The following TUBA3D variants were observed in gnomAD, a reference collection of about 807,000 sequenced individuals.
TUBA3D encodes tubulin alpha 3d.
A neutral mutation model predicts 36.1 loss-of-function variants in TUBA3D; 24 were observed. The observed-to-expected ratio is 0.66, with a 90% confidence interval of 0.48 to 0.93. The LOEUF (loss-of-function observed/expected upper bound fraction) is 0.93, where lower values mean the gene tolerates loss of function less well. Ranked by LOEUF, TUBA3D falls within the 40% of genes least tolerant of loss-of-function variation. TUBA3D has a pLI of 0.00. For synonymous variants in TUBA3D, 185 were observed against 247.2 expected (o/e 0.75, Z 2.36); for missense variants, 356 against 614.5 (o/e 0.58, Z 4.45).
Position 131,479,418 on chromosome 2 carries a change from G to C in TUBA3D, c.337G>C (p.Glu113Gln), listed in dbSNP as rs1179681152. 1.9e-6 allele frequency: 3 copies of C among 1,614,210 alleles called. No homozygotes were observed. In the Admixed American group the frequency reaches 5.0e-5, roughly 27 times the overall value. Residue 113 changes from glutamate to glutamine, a missense_variant, in exon 3 of 5, where the codon GAG (glutamate) becomes CAG (glutamine). This residue lies in a region of TUBA3D where 109 missense variants were observed against 153.7 expected (regional missense o/e 0.71). Coordinates refer to ENST00000321253, the MANE Select transcript of TUBA3D (RefSeq NM_080386.4). ...CAGGGGCCATTACACCATCGGCAAG[G>C]AGATTGTTGACCTAGTCCTGGACCG... ...YARGHYTIGKEIVDLVLDRIR... is the reference protein window; with the variant it reads ...YARGHYTIGKQIVDLVLDRIR...
chr2:131,476,937 A>AC (rs1678691477), intron 1 of TUBA3D, among the ~76,000 whole-genome samples: 1 of 126,330 alleles, frequency 7.9e-6, no homozygotes, highest in Non-Finnish European at 1.6e-5. Context: ...CCTCAAAGAC[A>AC]CAAACAAAAA....
rs1179396402 is a variant in TUBA3D, at chr2:131,480,637, G to A, written c.944G>A (p.Cys315Tyr). ...CDPRHGKYMA[C>Y]CMLYRGDVVP... ...CCTCGCCACGGCAAGTACATGGCCTGCTGCATGTTGTACAGGGGGGACGTG... is the reference window on the plus strand; with the variant it reads ...CCTCGCCACGGCAAGTACATGGCCTACTGCATGTTGTACAGGGGGGACGTG... Residue 315 changes from cysteine to tyrosine, a missense_variant, in exon 4 of 5, where the codon TGC becomes TAC. Physicochemically the swap from Cys to Tyr is radical, Grantham distance 194. Transcript: ENST00000321253. The A allele has an allele frequency of 5.0e-6, 8 of 1,613,656 alleles. No homozygotes were observed. Among genetic ancestry groups the A allele is most frequent in the Admixed American group, 1.7e-5 (1 of 59,994 alleles).
chr2:131,481,177 T>C (rs1170288387), intron 4 of TUBA3D, among the ~76,000 whole-genome samples: 2 of 152,060 alleles, frequency 1.3e-5, no homozygotes, highest in East Asian at 3.9e-4. Context: ...GTGCTGGGAT[T>C]ACAGTCGTGA....
intron 1 of TUBA3D, among the ~76,000 whole-genome samples, chr2:131,477,105 A>G (rs1487320145): frequency 2.0e-5 from 3 of 150,778 alleles, no homozygotes; most frequent in Non-Finnish European, 3.0e-5. Flanking sequence ...TTGCAGGATC[A>G]CGGCTCCCTG....
At chr2:131,479,210 A>T (rs1228869304) in intron 2 of TUBA3D, 98 bp from the exon 3 acceptor site, 1 of 1,516,290 alleles carries the variant, frequency 6.6e-7, no homozygotes, top group Non-Finnish European at 8.9e-7. Context: ...ATGTACTTTG[A>T]ACAGCATGTG....
chr2:131,480,905 G>A (rs1678841252), intron 4 of TUBA3D, among the ~76,000 whole-genome samples, 156 bp downstream of exon 4: 1 of 151,262 alleles, frequency 6.6e-6, no homozygotes, highest in South Asian at 2.1e-4. Context: ...TTGATTCAGT[G>A]ATTTCTTTTT....
chr2:131,478,807 A>C (rs988012955), intron 2 of TUBA3D: 1 of 219,862 alleles, frequency 4.5e-6, no homozygotes, highest in African/African-American at 2.3e-5. Flanking sequence ...TCAGATTCGC[A>C]GCCTGATGTA....
Position 131,482,743 on chromosome 2 carries a change from A to G in TUBA3D, c.1248A>G (p.Gly416=), listed in dbSNP as rs558896961. 3.1e-6 allele frequency: 5 copies of G among 1,614,066 alleles called. No individual in the cohort carries two copies. In the South Asian group the frequency reaches 4.4e-5, roughly 14 times the overall value. The change falls in exon 5 of 5, where the codon GGA becomes GGG. Residue 416 remains glycine (G), a synonymous_variant. Coordinates refer to ENST00000321253, the MANE Select transcript of TUBA3D (RefSeq NM_080386.4). ...HWYVGEGMEE[G]EFSEAREDLA... ...ACGTGGGCGAAGGCATGGAAGAGGG[A>G]GAGTTCTCTGAGGCCCGCGAGGACC... is the stretch of plus-strand genomic sequence containing the variant.
intron 1 of TUBA3D, among the ~76,000 whole-genome samples, chr2:131,477,742 G>A (rs1230103280): frequency 2.0e-5 from 3 of 151,508 alleles, no homozygotes; most frequent in Non-Finnish European, 4.4e-5. Context: ...CTGAGCACCT[G>A]GGCTTGGACC....
Position 131,478,173 on chromosome 2 carries a change from A to C in TUBA3D, c.13A>C (p.Ile5Leu), listed in dbSNP as rs1249434575. The change falls in exon 2 of 5, where the codon ATC (isoleucine) becomes CTC (leucine). Residue 5 changes from isoleucine to leucine, a missense_variant. Physicochemically the swap from Ile to Leu is conservative, Grantham distance 5 (BLOSUM62 2). Around this residue, in one of 3 missense-constraint regions of TUBA3D, gnomAD observed 109 missense variants for 153.7 expected, o/e 0.71. Coordinates refer to ENST00000321253, the MANE Select transcript of TUBA3D (RefSeq NM_080386.4). MRECISIHVGQAGVQ... is the reference protein window; with the variant it reads MRECLSIHVGQAGVQ... ...ATGTTCCTGTTCACAGCGCGAGTGT[A>C]TCTCTATCCACGTGGGGCAGGCGGG... is the stretch of plus-strand genomic sequence containing the variant. 6.2e-7 allele frequency: 1 copy of C among 1,613,444 alleles called. No homozygotes were observed. The highest frequency in any genetic ancestry group is 8.5e-7 in the Non-Finnish European group (1 of 1,179,608).
chr2:131,481,534 C>A (rs1232974672), intron 4 of TUBA3D, among the ~76,000 whole-genome samples: 2 of 150,838 alleles, frequency 1.3e-5, no homozygotes, highest in African/African-American at 4.9e-5. Flanking sequence ...CTCCCGGGCT[C>A]AAGCAGTTCT....
intron 1 of TUBA3D, among the ~76,000 whole-genome samples, chr2:131,476,930 C>CA (rs1221561132): frequency 7.0e-6 from 1 of 143,132 alleles, no homozygotes; most frequent in Non-Finnish European, 1.5e-5. Flanking sequence ...GACCCTGCCT[C>CA]AAAGACACAA....
At chr2:131,477,777 A>G (rs942555574) in intron 1 of TUBA3D, among the ~76,000 whole-genome samples, 5 of 151,880 alleles carry the variant, frequency 3.3e-5, no homozygotes, top group Admixed American at 6.6e-5. Flanking sequence ...CCTACTCTGT[A>G]TTTCCTTACC....
intron 1 of TUBA3D, among the ~76,000 whole-genome samples, chr2:131,477,221 A>G (rs1678704528): frequency 6.6e-6 from 1 of 151,442 alleles, no homozygotes; most frequent in Non-Finnish European, 1.5e-5. Flanking sequence ...GATTTTTCAT[A>G]GGGACAGGGA....
At chr2:131,480,947 A>G (rs1427647925) in intron 4 of TUBA3D, among the ~76,000 whole-genome samples, 198 bp downstream of exon 4, 1 of 151,286 alleles carries the variant, frequency 6.6e-6, no homozygotes, top group East Asian at 1.9e-4. Flanking sequence ...TCTGTCAACC[A>G]GGCTGGAGTG....
chr2:131,478,494 A>G, intron 2 of TUBA3D, 108 bp downstream of exon 2: 1 of 1,363,968 alleles, frequency 7.3e-7, no homozygotes, highest in South Asian at 1.5e-5. Context: ...TGGGATAGAC[A>G]GGCATATGCC....
Position 131,476,120 on chromosome 2 carries a change from G to C in TUBA3D, c.-80G>C. 1.2e-6 allele frequency: 2 copies of C among 1,610,334 alleles called. No homozygotes were observed. The highest frequency in any genetic ancestry group is 1.7e-6 in the Non-Finnish European group (2 of 1,178,656). ...TCCCGTGCGGCGCGCACAGGCAGGA[G>C]GTTGCAGTTGGGCGCTCAGCAGCTG... On this transcript the variant is annotated 5_prime_UTR_variant, in exon 1 of 5. Transcript: ENST00000321253.
rs190810037 is a variant in TUBA3D at position 131,479,567 on chromosome 2, C to T, written c.375+111C>T. ...CTTAGACCAGCATCTTGGCCGGGCG[C>T]GGTGGCTCACACATGTAATCCCAGC... On this transcript the variant is annotated intron_variant, in intron 3 of 4. Coordinates refer to ENST00000321253, the MANE Select transcript of TUBA3D (RefSeq NM_080386.4). 75 of 1,550,026 alleles carry T rather than the reference C, an allele frequency of 4.8e-5. No individual in the cohort carries two copies. The East Asian group carries it at 1.4e-3, about 30-fold the overall frequency.
Position 131,480,491 on chromosome 2 carries a change from C to T in TUBA3D, c.798C>T (p.His266=), listed in dbSNP as rs144693747. 6.4e-5 allele frequency: 102 copies of T among 1,590,582 alleles called. 10 individuals are homozygous for T. The highest frequency in any genetic ancestry group is 8.2e-5 in the Non-Finnish European group (96 of 1,172,364). The change falls in exon 4 of 5, where the codon CAC becomes CAT. Residue 266 remains histidine (H), a synonymous_variant. Coordinates refer to ENST00000321253, the MANE Select transcript of TUBA3D (RefSeq NM_080386.4). ...ACCTAGTGCCGTACCCCCGCATCCA[C>T]TTCCCCCTGGCCACCTATGCCCCAG... is the stretch of plus-strand genomic sequence containing the variant. ...QTNLVPYPRI[H]FPLATYAPVI... is the part of the protein sequence containing the mutation.
Sources: gnomAD v4.1 joint callset for allele counts (sites outside exome capture counted in the v4.1 genomes callset) on GRCh38, gnomAD v4.1.1 for gene constraint, gnomAD v4.1.1 regional missense constraint, MANE v1.5 for transcripts, NCBI Gene and HGNC (gene_info 2026-07-23, HGNC 2026-07-21) for gene names.